The following LIN54 variants were observed in gnomAD, a reference collection of about 807,000 sequenced individuals.
The protein encoded by LIN54 is lin-54 DREAM MuvB core complex component, also known as protein lin-54 homolog.
In LIN54, 9 loss-of-function variants were observed where a neutral mutation model predicts 78.7. The observed-to-expected ratio is 0.11, with a 90% CI of 0.07 to 0.20. The LOEUF (loss-of-function observed/expected upper bound fraction) is 0.20. LIN54 is among the 10% of genes least tolerant of loss of function. The pLI is 1.00. For synonymous variants in LIN54, 269 were observed against 318.4 expected, an observed-to-expected ratio of 0.84 and a Z score of 1.65; for missense variants, 573 against 889.9, an observed-to-expected ratio of 0.64 and a Z score of 4.53.
At chr4:82,996,686 G>T (rs1342931117) in intron 1 of LIN54, among the ~76,000 whole-genome samples, 1 of 151,944 alleles carries the variant, frequency 6.6e-6, no homozygotes, top group South Asian at 2.1e-4. Context: ...TTACAGGCTT[G>T]AGCCACCACA....
chr4:82,982,562 T>C (rs1466978314), intron 2 of LIN54, among the ~76,000 whole-genome samples: 1 of 152,168 alleles, frequency 6.6e-6, no homozygotes, highest in Non-Finnish European at 1.5e-5. Context: ...TTATGATCCA[T>C]ATTGCCAAAG....
intron 12 of LIN54, among the ~76,000 whole-genome samples, chr4:82,930,274 A>G (rs1224676545): frequency 6.6e-6 from 1 of 152,230 alleles, no homozygotes; most frequent in African/African-American, 2.4e-5. Flanking sequence ...ACCTCTAACA[A>G]ACTTTCTAAT....
chr4:83,012,539 G>T (rs1207809724), upstream of LIN54, among the ~76,000 whole-genome samples: 8 of 152,122 alleles, frequency 5.3e-5, no homozygotes, highest in Admixed American at 5.2e-4. Flanking sequence ...CCTGCCGGGT[G>T]ACAGCCACCC....
chr4:82,928,570 T>C (rs1285011944), intron 12 of LIN54, among the ~76,000 whole-genome samples: 1 of 152,240 alleles, frequency 6.6e-6, no homozygotes, highest in Non-Finnish European at 1.5e-5. Flanking sequence ...TGTGGTTAAC[T>C]AAAAGATAAT....
chr4:82,944,525 T>G (rs999654628), intron 5 of LIN54, among the ~76,000 whole-genome samples: 3 of 152,182 alleles, frequency 2.0e-5, no homozygotes, highest in African/African-American at 7.2e-5. Flanking sequence ...ATAATGATTT[T>G]ATTCCAAAAT....
chr4:82,997,594 C>A (rs1728326565), intron 1 of LIN54, among the ~76,000 whole-genome samples: 1 of 151,960 alleles, frequency 6.6e-6, no homozygotes, highest in South Asian at 2.1e-4. Context: ...GGAGGATTAA[C>A]CTCATCTGAG....
At chr4:83,008,389 G>A (rs1311339663) in intron 1 of LIN54, among the ~76,000 whole-genome samples, 1 of 152,184 alleles carries the variant, frequency 6.6e-6, no homozygotes, top group Non-Finnish European at 1.5e-5. Flanking sequence ...AGTGGCTCAC[G>A]CCTGTAATCC....
intron 1 of LIN54, among the ~76,000 whole-genome samples, chr4:83,001,611 C>T (rs1300437336): frequency 2.0e-5 from 3 of 150,502 alleles, no homozygotes; most frequent in African/African-American, 4.9e-5. Context: ...CTTGGGAGGC[C>T]GAGGCAGGCA....
At chr4:82,983,394 C>T (rs1578607154) in intron 2 of LIN54, among the ~76,000 whole-genome samples, 3 of 152,118 alleles carry the variant, frequency 2.0e-5, no homozygotes, top group Admixed American at 6.5e-5. Flanking sequence ...AATATATATT[C>T]CAGTAACCTT....
intron 3 of LIN54, among the ~76,000 whole-genome samples, chr4:82,974,092 C>T (rs1725925772): frequency 6.6e-6 from 1 of 152,016 alleles, no homozygotes; most frequent in Non-Finnish European, 1.5e-5. Flanking sequence ...CACCTGTAGT[C>T]CCAGCTACTT....
At chr4:82,941,680 G>C (rs575228408) in intron 5 of LIN54, among the ~76,000 whole-genome samples, 1 of 152,270 alleles carries the variant, frequency 6.6e-6, no homozygotes, top group East Asian at 1.9e-4. Context: ...AAAAAAGAGA[G>C]AGCAGATGCA....
rs1327866598 is a variant in LIN54, at chr4:82,924,778, A to G, written c.*3324T>C. ...AATTTACATGATGAAAATAACTCCA[A>G]TAGAAAGGGATTTTTAGTTGATTGC... is the stretch of plus-strand genomic sequence containing the variant. On this transcript the variant is annotated 3_prime_UTR_variant, in exon 13 of 13. Transcript: ENST00000340417. 6.6e-6 allele frequency: 1 copy of G among 152,318 alleles called. No homozygotes were observed. The highest frequency in any genetic ancestry group is 1.5e-5 in the Non-Finnish European group (1 of 68,038). 9.4% of individuals were successfully genotyped at this position (152,318 alleles called of 1,614,324 possible).
intron 1 of LIN54, among the ~76,000 whole-genome samples, chr4:82,986,842 C>T (rs182082694): frequency 2.3e-4 from 35 of 152,084 alleles, no homozygotes; most frequent in Non-Finnish European, 3.1e-4. Flanking sequence ...ACACTGATGA[C>T]GTAATTTAAT....
At chr4:82,968,049 T>TG (rs974976695) in intron 4 of LIN54, among the ~76,000 whole-genome samples, 5 of 151,974 alleles carry the variant, frequency 3.3e-5, no homozygotes, top group Non-Finnish European at 5.9e-5. Flanking sequence ...TTTTGTTTTT[T>TG]TTTTTTCTGG....
chr4:82,944,461 G>C (rs912030078), intron 5 of LIN54, among the ~76,000 whole-genome samples: 2 of 151,968 alleles, frequency 1.3e-5, no homozygotes, highest in Non-Finnish European at 2.9e-5. Context: ...TATAAAATTT[G>C]ACTCCCTTAG....
intron 4 of LIN54, among the ~76,000 whole-genome samples, chr4:82,949,586 G>A (rs943137103): frequency 2.6e-4 from 40 of 151,960 alleles, no homozygotes; most frequent in Non-Finnish European, 4.0e-4. Context: ...GAATAGAGAC[G>A]GGGTTTCACC....
chr4:82,981,193 A>C lies in LIN54; in HGVS notation c.685-2187T>G, dbSNP rs140416259. On this transcript the variant is annotated intron_variant, in intron 2 of 12. Coordinates refer to ENST00000340417, the MANE Select transcript of LIN54 (RefSeq NM_194282.4). ...TAAAATATGTCATCAAATAATATAT[A>C]CAAGTAATTTTTGGCACTGTGTTGG... is the stretch of plus-strand genomic sequence containing the variant. Among the ~76,000 whole-genome samples the C allele has an allele frequency of 1.4e-4, 22 of 152,364 alleles. No homozygotes were observed. The East Asian group carries it at 4.2e-3, about 29-fold the overall frequency.
At chr4:82,935,953 A>T (rs375121883) in intron 11 of LIN54, 28 bp downstream of exon 11, 2 of 1,608,934 alleles carry the variant, frequency 1.2e-6, no homozygotes, top group Middle Eastern at 3.3e-4. Context: ...TTTTTAAAAG[A>T]TATTATTTTC....
At chr4:82,991,164 A>G (rs1392566894) in intron 1 of LIN54, among the ~76,000 whole-genome samples, 2 of 151,760 alleles carry the variant, frequency 1.3e-5, no homozygotes, top group Non-Finnish European at 2.9e-5. Context: ...GAAAAAAAAA[A>G]AAAAAAAAAA....
Sources: gnomAD v4.1 joint callset for allele counts (sites outside exome capture counted in the v4.1 genomes callset) on GRCh38, gnomAD v4.1.1 for gene constraint, MANE v1.5 for transcripts, NCBI Gene and HGNC (gene_info 2026-07-23, HGNC 2026-07-21) for gene names.